NECAB1: variants seen among roughly 807,000 people sequenced by gnomAD.
The protein encoded by NECAB1 is N-terminal EF-hand calcium-binding protein 1.
A neutral mutation model predicts 57.5 loss-of-function variants in NECAB1; 29 were observed. The ratio of observed to expected loss-of-function variants is 0.50; its 90% confidence interval spans 0.38 to 0.69. The LOEUF (loss-of-function observed/expected upper bound fraction) is 0.69. Ranked by LOEUF, NECAB1 falls within the 30% of genes least tolerant of loss-of-function variation. The pLI is 0.00. For synonymous variants in NECAB1, 142 were observed against 147.7 expected, an observed-to-expected ratio of 0.96 and a Z score of 0.28; for missense variants, 372 against 413.8, an observed-to-expected ratio of 0.90 and a Z score of 0.88.
chr8:90,952,880 G>C (rs1810949545), intron 12 of NECAB1, among the ~76,000 whole-genome samples: 1 of 152,056 alleles, frequency 6.6e-6, no homozygotes, highest in Admixed American at 6.6e-5. Context: ...TTTGTACATA[G>C]AATGCAGGAA....
chr8:90,880,919 C>T, intron 4 of NECAB1, 114 bp from the exon 5 acceptor site: 1 of 715,124 alleles, frequency 1.4e-6, no homozygotes, highest in Non-Finnish European at 2.4e-6. Context: ...CCAGTTTTCA[C>T]TTATAGCTGA....
intron 4 of NECAB1, among the ~76,000 whole-genome samples, chr8:90,877,178 T>C (rs1052829204): frequency 6.6e-6 from 1 of 152,214 alleles, no homozygotes; most frequent in African/African-American, 2.4e-5. Flanking sequence ...TCTTGGAGTT[T>C]GCAGATCTGC....
chr8:90,891,169 T>A lies in NECAB1; in HGVS notation c.357+10039T>A, dbSNP rs1310484715. ...CAGAGTGTTTGAAGCATTAAGCAAT[T>A]TTGGACATTGTGAGTGTCCAGGCTG... On this transcript the variant is annotated intron_variant, in intron 5 of 12. Coordinates refer to ENST00000417640, the MANE Select transcript of NECAB1 (RefSeq NM_022351.5). 1.3e-5 allele frequency among the ~76,000 whole-genome samples: 2 copies of A among 152,188 alleles called. 1 individual carries two copies.
Position 90,917,633 on chromosome 8 carries a change from T to A in NECAB1, c.494+5T>A. The stretch of plus-strand genomic sequence containing the variant: ...GGAGCAAACCCGTCAAGAAAGGCAA[T>A]TTACATGTTTTCATCTGATGTCTAT... On this transcript the variant is annotated splice_donor_5th_base_variant and intron_variant, in intron 6 of 12. Coordinates refer to ENST00000417640, the MANE Select transcript of NECAB1 (RefSeq NM_022351.5). The A allele has an allele frequency of 2.5e-6, 4 of 1,604,886 alleles. No homozygotes were observed. Among genetic ancestry groups the A allele is most frequent in the Non-Finnish European group, 3.4e-6 (4 of 1,175,054 alleles).
chr8:90,829,549 A>G (rs1008343747), intron 3 of NECAB1, among the ~76,000 whole-genome samples: 1 of 152,104 alleles, frequency 6.6e-6, no homozygotes, highest in Admixed American at 6.6e-5. Context: ...GAGAGTGAAC[A>G]TACAGAAAAG....
At chr8:90,945,684 G>A (rs1033564345) in intron 10 of NECAB1, among the ~76,000 whole-genome samples, 1 of 152,152 alleles carries the variant, frequency 6.6e-6, no homozygotes, top group Non-Finnish European at 1.5e-5. Context: ...ATTATGGGCA[G>A]TTTCCTCATT....
intron 4 of NECAB1, chr8:90,872,403 T>G: frequency 2.8e-6 from 1 of 361,386 alleles, no homozygotes; most frequent in Non-Finnish European, 5.0e-6. Context: ...GTACATTAGT[T>G]TCGCAAGAGC....
In NECAB1 at chr8:90,791,941, A is replaced by G; in HGVS notation, c.55A>G (p.Ser19Gly). ...CTCCAACAACTCCTCGGAGGAGCTC[A>G]GCTCTGCTCTGCACCTGTCCAAGGG... ...PSSNNSSEEL[S>G]SALHLSKGMS... is the part of the protein sequence containing the mutation. Residue 19 changes from serine (S) to glycine (G), a missense_variant, in exon 1 of 13, where the codon AGC (serine) becomes GGC (glycine). Ser to Gly is a moderately conservative substitution (Grantham distance 56, BLOSUM62 0). Transcript: ENST00000417640. The G allele has an allele frequency of 6.4e-7, 1 of 1,552,820 alleles. No individual in the cohort carries two copies. The highest frequency in any genetic ancestry group is 1.7e-4 in the Middle Eastern group (1 of 5,996).
intron 3 of NECAB1, among the ~76,000 whole-genome samples, chr8:90,839,338 T>C (rs1812419382): frequency 6.6e-6 from 1 of 152,212 alleles, no homozygotes; most frequent in South Asian, 2.1e-4. Flanking sequence ...AAGTCAGTTG[T>C]GTATTGCCTA....
intron 3 of NECAB1, among the ~76,000 whole-genome samples, chr8:90,844,469 A>C (rs2129753339): frequency 6.6e-6 from 1 of 152,224 alleles, no homozygotes; most frequent in Non-Finnish European, 1.5e-5. Context: ...TATCATGCAG[A>C]TATGTCTGCT....
intron 3 of NECAB1, among the ~76,000 whole-genome samples, chr8:90,841,621 G>T (rs1469999456): frequency 6.6e-6 from 1 of 152,132 alleles, no homozygotes; most frequent in Non-Finnish European, 1.5e-5. Context: ...TGGGGACTCT[G>T]CCTGCCTCTC....
chr8:90,795,892 C>A (rs1811652865), intron 1 of NECAB1, among the ~76,000 whole-genome samples: 1 of 152,058 alleles, frequency 6.6e-6, no homozygotes, highest in Non-Finnish European at 1.5e-5. Context: ...GGCTTAATAC[C>A]TAGGTGATGG....
intron 5 of NECAB1, among the ~76,000 whole-genome samples, chr8:90,906,883 A>ATATATATGTATATATATATATATG (rs1554574053): frequency 6.2e-5 from 5 of 80,758 alleles, no homozygotes; most frequent in African/African-American, 2.4e-4. Flanking sequence ...ACACATATAT[A>ATATATATGTATATATATATATATG]TATATATATA....
At chr8:90,905,062 T>C (rs1809605253) in intron 5 of NECAB1, among the ~76,000 whole-genome samples, 2 of 150,538 alleles carry the variant, frequency 1.3e-5, no homozygotes, top group Non-Finnish European at 3.0e-5. Context: ...TAGTATGGCA[T>C]AACTTTCACT....
At chr8:90,950,875 T>G (rs1810911940) in intron 11 of NECAB1, among the ~76,000 whole-genome samples, 1 of 152,178 alleles carries the variant, frequency 6.6e-6, no homozygotes, top group Admixed American at 6.5e-5. Context: ...TTTTATCCTC[T>G]AAAAAAGTAA....
At chr8:90,852,367 C>T (rs1812700401) in intron 3 of NECAB1, among the ~76,000 whole-genome samples, 1 of 151,440 alleles carries the variant, frequency 6.6e-6, no homozygotes, top group African/African-American at 2.4e-5. Context: ...ATCATAGCTT[C>T]AAGGTTTGTA....
chr8:90,857,518 A>G (rs1812815071), intron 3 of NECAB1, among the ~76,000 whole-genome samples: 2 of 152,140 alleles, frequency 1.3e-5, no homozygotes, highest in Non-Finnish European at 2.9e-5. Context: ...TAAATGTATG[A>G]CTTTGTAAAA....
chr8:90,832,936 C>T (rs1282704910), intron 3 of NECAB1, among the ~76,000 whole-genome samples: 1 of 152,046 alleles, frequency 6.6e-6, no homozygotes, highest in Non-Finnish European at 1.5e-5. Context: ...TTAAAAATCG[C>T]TTTCAGTAAT....
chr8:90,803,203 A>G (rs78385253), intron 2 of NECAB1, among the ~76,000 whole-genome samples: 2,333 of 152,172 alleles, frequency 0.015, 65 homozygotes, highest in African/African-American at 0.054. Context: ...GGCCCATTTG[A>G]TTACTTTTAA....
Sources: allele counts gnomAD v4.1 joint callset (sites outside exome capture counted in the v4.1 genomes callset), GRCh38; gene constraint gnomAD v4.1.1; transcripts MANE v1.5; gene names NCBI Gene and HGNC (gene_info 2026-07-23, HGNC 2026-07-21).